The following HECTD4 variants were observed in gnomAD, a reference collection of about 807,000 sequenced individuals.
HECTD4 encodes the protein HECT domain E3 ubiquitin protein ligase 4.
A neutral mutation model predicts 471.5 loss-of-function variants in HECTD4; 114 were observed. The ratio of observed to expected loss-of-function variants is 0.24; its 90% CI spans 0.21 to 0.28. The LOEUF (loss-of-function observed/expected upper bound fraction) is 0.28. Ranked by LOEUF, HECTD4 falls within the 10% of genes least tolerant of loss-of-function variation. The pLI is 1.00. For synonymous variants in HECTD4, 2,012 were observed against 2,256.0 expected (o/e 0.89, Z 3.07); for missense variants, 3,866 against 5,651.5 (o/e 0.68, Z 10.13).
intron 1 of HECTD4, among the ~76,000 whole-genome samples, chr12:112,331,288 C>T (rs1387892636): frequency 1.3e-5 from 2 of 152,150 alleles, no homozygotes; most frequent in Non-Finnish European, 2.9e-5. Context: ...CCAGGATGGT[C>T]TTGAACTCCT....
Position 112,216,726 on chromosome 12 carries a change from T to A in HECTD4, c.7385+47A>T, listed in dbSNP as rs1305140414. 1.9e-6 allele frequency: 3 copies of A among 1,597,942 alleles called. No homozygotes were observed. The Admixed American group carries it at 5.0e-5, about 27-fold the overall frequency. ...TTCCTGAACACCTATACACACCTTGTGGGAGGCTACTGCTCTCTGTCACAC... is the reference window on the plus strand; with the variant it reads ...TTCCTGAACACCTATACACACCTTGAGGGAGGCTACTGCTCTCTGTCACAC... On this transcript the variant is annotated intron_variant, in intron 47 of 75. Coordinates refer to ENST00000682272, the MANE Select transcript of HECTD4 (RefSeq NM_001388303.1).
chr12:112,381,246 C>A lies in HECTD4; in HGVS notation c.177+706G>T, dbSNP rs1021115360. Among the ~76,000 whole-genome samples the A allele has an allele frequency of 6.6e-6, 1 of 151,994 alleles. No individual in the cohort carries two copies. Among genetic ancestry groups the A allele is most frequent in the Admixed American group, 6.6e-5 (1 of 15,242 alleles). On this transcript the variant is annotated intron_variant, in intron 1 of 75. Transcript: ENST00000682272. This position sits in a 1 kb window ranked among gnomAD's most constrained non-coding sequence, Gnocchi z 4.1. ...CTGTTGCACCTGCCACGGCTCTGAACCCGGGATGCTTGGCGACCCCCGGGG... is the reference window on the plus strand; with the variant it reads ...CTGTTGCACCTGCCACGGCTCTGAAACCGGGATGCTTGGCGACCCCCGGGG...
At chr12:112,218,820 T>C (rs1463106599) in intron 45 of HECTD4, among the ~76,000 whole-genome samples, 2 of 152,080 alleles carry the variant, frequency 1.3e-5, no homozygotes, top group Admixed American at 6.6e-5. Context: ...CTGCAACCTC[T>C]ACCTCCCAGG....
In HECTD4 at chr12:112,192,781, G is replaced by T; in HGVS notation, c.9087-16C>A. ...CAGAGAGGAGCTGAGAAGGAGGGAT[G>T]GGTGGGTGTTAATACAGGGTCTAGC... On this transcript the variant is annotated splice_polypyrimidine_tract_variant and intron_variant, in intron 58 of 75. Transcript: ENST00000682272. 1 of 1,557,532 alleles carries T rather than the reference G, an allele frequency of 6.4e-7. No homozygotes were observed. Among genetic ancestry groups the T allele is most frequent in the Non-Finnish European group, 8.7e-7 (1 of 1,148,730 alleles).
At chr12:112,263,960 T>C in intron 17 of HECTD4, 124 bp downstream of exon 17, 1 of 882,558 alleles carries the variant, frequency 1.1e-6, no homozygotes, top group South Asian at 2.9e-5. Flanking sequence ...TGGCCTAATG[T>C]TACCTCTCAC....
chr12:112,162,584 GCTGGGCTGGC>G lies in HECTD4; in HGVS notation c.13121-71_13121-62del. The G allele has an allele frequency of 6.2e-7, 1 of 1,604,918 alleles. No homozygotes were observed. The highest frequency in any genetic ancestry group is 1.1e-5 in the South Asian group (1 of 90,254). On this transcript the variant is annotated intron_variant, in intron 75 of 75. Transcript: ENST00000682272. The surrounding 1 kb of genome is among the most constrained non-coding windows in gnomAD (Gnocchi z 5.2). The stretch of plus-strand genomic sequence containing the variant: ...CCACATCTGTGAGGCTCCCAGGGAA[GCTGGGCTGGC>G]CTCTGCTTCCAGGTTTGCCTCCTTG...
chr12:112,380,007 C>T (rs962216771), intron 1 of HECTD4, among the ~76,000 whole-genome samples: 9 of 151,852 alleles, frequency 5.9e-5, no homozygotes, highest in African/African-American at 1.9e-4. Context: ...GACAAATTCA[C>T]GCAATACATT....
At chr12:112,318,220 A>G (rs1385053871) in intron 2 of HECTD4, among the ~76,000 whole-genome samples, 1 of 151,886 alleles carries the variant, frequency 6.6e-6, no homozygotes, top group Non-Finnish European at 1.5e-5. Flanking sequence ...AGCCAAGATC[A>G]TGCCACTGCA....
chr12:112,270,119 A>G (rs896704432), intron 12 of HECTD4, 108 bp downstream of exon 12: 9 of 956,934 alleles, frequency 9.4e-6, no homozygotes, highest in African/African-American at 3.3e-5. Flanking sequence ...TAAGATGCAG[A>G]ACAGGAAAAT....
chr12:112,377,281 A>T lies in HECTD4; in HGVS notation c.177+4671T>A, dbSNP rs114354353. Reference sequence around the variant, plus strand: ...AAGGCCCCAACTCTAATAAAAAAAAAAAATAAAACAAAAAAACGGAGCCCT... The same window carrying T: ...AAGGCCCCAACTCTAATAAAAAAAATAAATAAAACAAAAAAACGGAGCCCT... On this transcript the variant is annotated intron_variant, in intron 1 of 75. Transcript: ENST00000682272. 7.4e-3 allele frequency among the ~76,000 whole-genome samples: 1,130 copies of T among 152,182 alleles called. 19 individuals carry two copies. The highest frequency in any genetic ancestry group is 0.026 in the African/African-American group (1,072 of 41,528).
intron 1 of HECTD4, among the ~76,000 whole-genome samples, chr12:112,326,509 A>T (rs1325900991): frequency 6.6e-6 from 1 of 152,028 alleles, no homozygotes; most frequent in East Asian, 1.9e-4. Flanking sequence ...AAAAACAAAA[A>T]CAAAAAAAAC....
intron 64 of HECTD4, 117 bp downstream of exon 64, chr12:112,178,814 A>G (rs975759436): frequency 1.7e-6 from 2 of 1,208,508 alleles, no homozygotes; most frequent in Non-Finnish European, 2.2e-6. Context: ...AAAGCATGAC[A>G]AAAAAGGCCT....
rs115291544 is a variant in HECTD4 at position 112,226,609 on chromosome 12, A to G, written c.6970+34T>C. 468 of 1,397,016 alleles carry G rather than the reference A, an allele frequency of 3.4e-4. No individual in the cohort carries two copies. The African/African-American group carries it at 6.0e-3, about 18-fold the overall frequency. 86.5% of individuals were successfully genotyped at this position (1,397,016 alleles called of 1,614,324 possible). A position where few individuals can be genotyped will look rare whatever the true frequency, so the allele number is the denominator to read the frequency against. ...TGCAAATGTGCTGAGAAAATTCAAT[A>G]AAACAGGGTGGTAAGGCAAGTTCAG... On this transcript the variant is annotated intron_variant, in intron 44 of 75. Transcript: ENST00000682272.
rs779731693 is a variant in HECTD4 at position 112,170,374 on chromosome 12, G to A, written c.12011C>T (p.Ala4004Val). 17 of 1,613,840 alleles carry A rather than the reference G, an allele frequency of 1.1e-5. No individual in the cohort carries two copies. In the Admixed American group the frequency reaches 2.5e-4, roughly 24 times the overall value. Reference sequence around the variant, plus strand: ...TGGGTCCAAGGTGATCTCAGGGGCCGCGTGGTCCGCTGTCCTCTGCACAGT... The same window carrying A: ...TGGGTCCAAGGTGATCTCAGGGGCCACGTGGTCCGCTGTCCTCTGCACAGT... ...NATVQRTADH[A>V]APEITLDPLE... Residue 4004 changes from alanine (A) to valine (V), a missense_variant, in exon 69 of 76, where the codon GCG (alanine) becomes GTG (valine). Coordinates refer to ENST00000682272, the MANE Select transcript of HECTD4 (RefSeq NM_001388303.1).
chr12:112,226,826 A>G (rs889838860), intron 43 of HECTD4, 68 bp from the exon 44 acceptor site: 6 of 1,173,476 alleles, frequency 5.1e-6, no homozygotes, highest in Non-Finnish European at 7.3e-6. Context: ...GTCAACTGTG[A>G]AAAACATTTC....
In HECTD4 at chr12:112,161,033, T is replaced by C. The variant is rs761867615; in HGVS notation, c.*1354A>G. On this transcript the variant is annotated 3_prime_UTR_variant, in exon 76 of 76. Transcript: ENST00000682272. Reference sequence around the variant, plus strand: ...CTCTATCTCTAGAATTCACAATCTTTCCAGCAGGCCAGGGCACATCTTCTT... The same window carrying C: ...CTCTATCTCTAGAATTCACAATCTTCCCAGCAGGCCAGGGCACATCTTCTT... The C allele has an allele frequency of 7.9e-5, 12 of 152,218 alleles. No homozygotes were observed. The highest frequency in any genetic ancestry group is 2.7e-4 in the African/African-American group (11 of 41,444). The allele number at this position is 152,218 out of a possible 1,614,324, so 9.4% of individuals were successfully genotyped here. A position where few individuals can be genotyped will look rare whatever the true frequency, so the allele number is the denominator to read the frequency against.
chr12:112,185,523 T>A lies in HECTD4; in HGVS notation c.9473-30A>T, dbSNP rs2031829979. The A allele has an allele frequency of 2.0e-6, 3 of 1,490,032 alleles. No individual in the cohort carries two copies. In the East Asian group the frequency reaches 6.8e-5, roughly 34 times the overall value. 92.3% of individuals were successfully genotyped at this position (1,490,032 alleles called of 1,614,324 possible). A position where few individuals can be genotyped will look rare whatever the true frequency, so the allele number is the denominator to read the frequency against. On this transcript the variant is annotated intron_variant, in intron 60 of 75. Transcript: ENST00000682272. ...GGCAAATGAAAATAGTAACAGTAAT[T>A]ACTATGCAGCACTGGCTATGTTCCA...
At chr12:112,255,476 A>C (rs1043374692) in intron 21 of HECTD4, among the ~76,000 whole-genome samples, 5 of 152,188 alleles carry the variant, frequency 3.3e-5, no homozygotes, top group Admixed American at 2.0e-4. Context: ...ACCATCTCAT[A>C]GTATATACAG....
chr12:112,358,894 G>C (rs377722593), intron 1 of HECTD4, among the ~76,000 whole-genome samples: 2 of 152,044 alleles, frequency 1.3e-5, no homozygotes, highest in South Asian at 2.1e-4. Context: ...AAGAACGGCC[G>C]GCCGGGCGCG....
Sources: allele counts gnomAD v4.1 joint callset (sites outside exome capture counted in the v4.1 genomes callset), GRCh38; gene constraint gnomAD v4.1.1; non-coding constraint Gnocchi (gnomAD v3.1); transcripts MANE v1.5; gene names NCBI Gene and HGNC (gene_info 2026-07-23, HGNC 2026-07-21).